The following REEP1 variants were observed in gnomAD, a reference collection of about 807,000 sequenced individuals.
The protein encoded by REEP1 is receptor expression-enhancing protein 1.
Under a neutral mutation model 40.3 loss-of-function variants are expected in REEP1, and 22 were observed. The ratio of observed to expected loss-of-function variants is 0.55; its 90% CI spans 0.39 to 0.78. The LOEUF is 0.78. REEP1 is among the 30% of genes least tolerant of loss of function. The pLI, the probability that REEP1 is intolerant of heterozygous loss-of-function variation, is 0.00. For synonymous variants in REEP1, 116 were observed against 139.2 expected, an observed-to-expected ratio of 0.83 and a Z score of 1.17; for missense variants, 280 against 361.1, an observed-to-expected ratio of 0.78 and a Z score of 1.82.
intron 1 of REEP1, among the ~76,000 whole-genome samples, chr2:86,284,263 G>A (rs1280203243): frequency 2.0e-5 from 3 of 152,120 alleles, no homozygotes; most frequent in Admixed American, 6.5e-5. Context: ...GCTCCTCTCC[G>A]TTTTTAGCTC....
rs1022653175 is a variant in REEP1 at position 86,282,083 on chromosome 2, A to T, written c.105+87T>A. 24 of 886,146 alleles carry T rather than the reference A, an allele frequency of 2.7e-5. No homozygotes were observed. The Admixed American group carries it at 2.7e-4, about 10-fold the overall frequency. 54.9% of individuals were successfully genotyped at this position (886,146 alleles called of 1,614,324 possible). A position where few individuals can be genotyped will look rare whatever the true frequency, so the allele number is the denominator to read the frequency against. ...CTCCTTTTCCCTGCTTCCAGTGCCC[A>T]TAGCACGGAGGGCATCCCCTTCTCC... On this transcript the variant is annotated intron_variant, in intron 2 of 8. Coordinates refer to ENST00000538924, the MANE Select transcript of REEP1 (RefSeq NM_001371279.1).
At chr2:86,268,331 AT>A (rs1195023589) in intron 2 of REEP1, among the ~76,000 whole-genome samples, 2 of 152,228 alleles carry the variant, frequency 1.3e-5, no homozygotes, top group Non-Finnish European at 2.9e-5. Context: ...ATAAAAGTCC[AT>A]TGCTTTCCTA....
chr2:86,222,005 T>C (rs1217314990), intron 7 of REEP1, among the ~76,000 whole-genome samples: 3 of 152,148 alleles, frequency 2.0e-5, no homozygotes, highest in African/African-American at 7.2e-5. Flanking sequence ...CTGCATATGC[T>C]GTACCCTCCA....
At chr2:86,276,840 C>T (rs528332394) in intron 2 of REEP1, among the ~76,000 whole-genome samples, 4 of 152,316 alleles carry the variant, frequency 2.6e-5, no homozygotes, top group African/African-American at 4.8e-5. Context: ...GAATCTCAGA[C>T]CCCATCCCAG....
chr2:86,283,231 G>T (rs562546405), intron 1 of REEP1, among the ~76,000 whole-genome samples: 10 of 152,266 alleles, frequency 6.6e-5, no homozygotes, highest in Admixed American at 2.0e-4. Flanking sequence ...GATCTGTTTT[G>T]CTCAACACTG....
intron 5 of REEP1, among the ~76,000 whole-genome samples, chr2:86,250,290 T>C (rs745450057): frequency 9.2e-5 from 14 of 152,196 alleles, no homozygotes; most frequent in Admixed American, 4.6e-4. Flanking sequence ...CAGGAATGAA[T>C]GGAGGAAAGA....
chr2:86,337,629 G>T, upstream of REEP1: 1 of 1,095,340 alleles, frequency 9.1e-7, no homozygotes, highest in Non-Finnish European at 1.1e-6. This position sits in a 1 kb window ranked among gnomAD's most constrained non-coding sequence, Gnocchi z 5.8. Context: ...GCCAGACTGA[G>T]CGCGCCCGCC....
chr2:86,250,654 G>A (rs77536971), intron 5 of REEP1, among the ~76,000 whole-genome samples: 77 of 152,188 alleles, frequency 5.1e-4, no homozygotes, highest in East Asian at 2.5e-3. Context: ...ATGGAGTGGC[G>A]GGATACCTAG....
At chr2:86,324,011 T>C (rs1188865455) in intron 1 of REEP1, among the ~76,000 whole-genome samples, 3 of 151,970 alleles carry the variant, frequency 2.0e-5, no homozygotes, top group African/African-American at 7.3e-5. Flanking sequence ...ACATCATATA[T>C]AAAAATCAAC....
intron 8 of REEP1, among the ~76,000 whole-genome samples, 189 bp downstream of exon 8, chr2:86,219,781 C>T (rs757103196): frequency 7.9e-5 from 12 of 152,148 alleles, no homozygotes; most frequent in Non-Finnish European, 1.3e-4. Context: ...AATAGGATTT[C>T]CTCTCCTTGG....
At chr2:86,232,557 G>A (rs1675080420) in intron 6 of REEP1, 68 bp downstream of exon 6, 1 of 1,565,392 alleles carries the variant, frequency 6.4e-7, no homozygotes, top group African/African-American at 1.3e-5. Context: ...CCACACTGCG[G>A]ACTGGGCCTC....
intron 5 of REEP1, chr2:86,251,664 T>G: frequency 2.2e-6 from 1 of 451,692 alleles, no homozygotes; most frequent in Non-Finnish European, 4.1e-6. Context: ...TATTATTTTC[T>G]TGTTTCCAGT....
At chr2:86,265,705 T>C (rs949259430) in intron 2 of REEP1, among the ~76,000 whole-genome samples, 2 of 152,208 alleles carry the variant, frequency 1.3e-5, no homozygotes, top group African/African-American at 2.4e-5. Context: ...AAATACTGCA[T>C]GTTCTCACTT....
In REEP1 at chr2:86,282,197, A is replaced by G; in HGVS notation, c.78T>C (p.Ala26=). The change falls in exon 2 of 9, where the codon GCT becomes GCC. Residue 26 remains alanine, a synonymous_variant. Coordinates refer to ENST00000538924, the MANE Select transcript of REEP1 (RefSeq NM_001371279.1). ...TLYPAYYSYK[A]VKSKDIKEYV... is the part of the protein sequence containing the mutation. ...ATTCCTTAATGTCCTTTGATTTCAC[A>G]GCCTTGTAGGAATAATACGCAGGGT... 1 of 1,611,404 alleles carries G rather than the reference A, an allele frequency of 6.2e-7. No individual in the cohort carries two copies. The highest frequency in any genetic ancestry group is 8.5e-7 in the Non-Finnish European group (1 of 1,177,554).
chr2:86,323,703 C>A (rs1055417901), intron 1 of REEP1, among the ~76,000 whole-genome samples: 9 of 152,308 alleles, frequency 5.9e-5, no homozygotes, highest in Non-Finnish European at 1.3e-4. Flanking sequence ...GGGACCACTG[C>A]ACTAAGGCAC....
chr2:86,296,176 G>C (rs1678973556), intron 1 of REEP1, among the ~76,000 whole-genome samples: 1 of 152,164 alleles, frequency 6.6e-6, no homozygotes, highest in African/African-American at 2.4e-5. Flanking sequence ...TCACACTTTG[G>C]GGAAAAAAAG....
intron 1 of REEP1, among the ~76,000 whole-genome samples, chr2:86,303,823 G>A (rs1246812134): frequency 6.6e-6 from 1 of 152,200 alleles, no homozygotes; most frequent in East Asian, 1.9e-4. Flanking sequence ...ACATGAGAGA[G>A]CATGGTGGGT....
At chr2:86,220,233 T>A in intron 7 of REEP1, 112 bp from the exon 8 acceptor site, 1 of 604,314 alleles carries the variant, frequency 1.7e-6, no homozygotes, top group Non-Finnish European at 2.4e-6. Flanking sequence ...ACCAGGCCTG[T>A]GAGGACAGCT....
intron 6 of REEP1, among the ~76,000 whole-genome samples, chr2:86,227,654 G>A (rs758723125): frequency 1.5e-4 from 23 of 152,160 alleles, no homozygotes; most frequent in African/African-American, 3.4e-4. Context: ...AGGGAAGGCC[G>A]GAGACAGAGT....
Sources: gnomAD v4.1 joint callset for allele counts (sites outside exome capture counted in the v4.1 genomes callset) on GRCh38, gnomAD v4.1.1 for gene constraint, Gnocchi (gnomAD v3.1) non-coding constraint, MANE v1.5 for transcripts, NCBI Gene and HGNC (gene_info 2026-07-23, HGNC 2026-07-21) for gene names.